RANBP17: variants seen among roughly 807,000 people sequenced by gnomAD.
RANBP17 encodes RAN binding protein 17.
In RANBP17, 158 loss-of-function variants were observed where a neutral mutation model predicts 141.2. The observed-to-expected ratio is 1.12, with a 90% CI of 0.98 to 1.28. The LOEUF is 1.28. Ranked by LOEUF, RANBP17 falls within the 50% of genes most tolerant of loss-of-function variation. RANBP17 has a pLI of 0.00. For missense variants in RANBP17, 1,438 were observed against 1,290.7 expected (o/e 1.11, Z -1.75); for synonymous variants, 430 against 450.0 (o/e 0.96, Z 0.56).
chr5:171,078,859 ATTG>A lies in RANBP17; in HGVS notation c.1711-91265_1711-91263del, dbSNP rs1785097896. ...AGCTCTGGTGGAGATGTACAAGAATATTGTTGTTTTCATGTCTGCTAACAACAT... is the reference window on the plus strand; with the variant it reads ...AGCTCTGGTGGAGATGTACAAGAATATTGTTTTCATGTCTGCTAACAACAT... On this transcript the variant is annotated intron_variant, in intron 14 of 27. Transcript: ENST00000523189. 2.0e-5 allele frequency among the ~76,000 whole-genome samples: 3 copies of A among 152,336 alleles called. No homozygotes were observed. In the South Asian group the frequency reaches 6.2e-4, roughly 32 times the overall value.
chr5:171,118,610 A>G (rs988214753), intron 14 of RANBP17, among the ~76,000 whole-genome samples: 1 of 151,458 alleles, frequency 6.6e-6, no homozygotes, highest in Non-Finnish European at 1.5e-5. Flanking sequence ...AGGATTTTCA[A>G]CTCCTTGGTT....
intron 14 of RANBP17, among the ~76,000 whole-genome samples, chr5:171,113,819 A>G (rs1282648378): frequency 6.6e-6 from 1 of 152,186 alleles, no homozygotes; most frequent in Non-Finnish European, 1.5e-5. Context: ...TTTTAAAATA[A>G]TGCTAGAATA....
At chr5:171,198,054 A>G (rs1021182825) in intron 18 of RANBP17, among the ~76,000 whole-genome samples, 6 of 152,214 alleles carry the variant, frequency 3.9e-5, no homozygotes, top group African/African-American at 1.4e-4. Flanking sequence ...AAGCCAGGCA[A>G]AATGCTATGG....
At chr5:171,074,040 C>G (rs904817692) in intron 14 of RANBP17, among the ~76,000 whole-genome samples, 1 of 151,976 alleles carries the variant, frequency 6.6e-6, no homozygotes, top group African/African-American at 2.4e-5. Context: ...TTTTCTCTCT[C>G]CTTGTGGACT....
intron 20 of RANBP17, chr5:171,207,214 C>T (rs1006451916): frequency 1.3e-5 from 2 of 153,694 alleles, no homozygotes; most frequent in African/African-American, 4.8e-5. Context: ...TAAAAGTCTA[C>T]TTTGGGCACT....
At chr5:171,164,682 T>C (rs1273966448) in intron 14 of RANBP17, among the ~76,000 whole-genome samples, 2 of 152,186 alleles carry the variant, frequency 1.3e-5, no homozygotes, top group African/African-American at 2.4e-5. Context: ...ATAATGATAA[T>C]TCCTTACATT....
chr5:171,154,921 C>A (rs191734715), intron 14 of RANBP17, among the ~76,000 whole-genome samples: 1 of 150,936 alleles, frequency 6.6e-6, no homozygotes, highest in African/African-American at 2.4e-5. Context: ...ACTAAAAATA[C>A]GAAAAATTAG....
chr5:170,955,951 T>C (rs568244145), intron 13 of RANBP17, among the ~76,000 whole-genome samples: 3 of 151,102 alleles, frequency 2.0e-5, no homozygotes, highest in African/African-American at 7.2e-5. Context: ...CTATGGACTT[T>C]TTCCTTCATA....
rs186511062 is a variant in RANBP17, at chr5:170,936,134, G to A, written c.1468+11584G>A. ...ATCTCCTGGTGTGCCGTCTGCTAAG[G>A]CCATTGGAAAAGCGCAGTATTAGGG... On this transcript the variant is annotated intron_variant, in intron 12 of 27. Transcript: ENST00000523189. Among the ~76,000 whole-genome samples, 7 of 152,314 alleles carry A rather than the reference G, an allele frequency of 4.6e-5. No homozygotes were observed. In the East Asian group the frequency reaches 1.3e-3, roughly 29 times the overall value.
At chr5:170,879,065 TAAC>T (rs1347298100) in intron 2 of RANBP17, among the ~76,000 whole-genome samples, 2 of 152,190 alleles carry the variant, frequency 1.3e-5, no homozygotes, top group African/African-American at 4.8e-5. Flanking sequence ...TTTCTATTAA[TAAC>T]TGGAGTTCAG....
chr5:171,202,338 C>T (rs1023426961), intron 19 of RANBP17, among the ~76,000 whole-genome samples: 5 of 152,108 alleles, frequency 3.3e-5, no homozygotes, highest in African/African-American at 1.2e-4. Flanking sequence ...TAGTCCAGTA[C>T]TCCCCTGACT....
chr5:171,156,483 G>A (rs1020913896), intron 14 of RANBP17, among the ~76,000 whole-genome samples: 1 of 152,010 alleles, frequency 6.6e-6, no homozygotes, highest in Non-Finnish European at 1.5e-5. Context: ...TTTCTAGAAC[G>A]GCTTTTATGT....
intron 2 of RANBP17, among the ~76,000 whole-genome samples, chr5:170,880,053 C>G (rs1324318004): frequency 3.3e-5 from 5 of 152,178 alleles, no homozygotes; most frequent in Non-Finnish European, 7.4e-5. Flanking sequence ...CCCTTTTCCG[C>G]TCCATATGTT....
intron 14 of RANBP17, among the ~76,000 whole-genome samples, chr5:171,040,973 GT>G (rs1323314834): frequency 6.6e-6 from 1 of 152,156 alleles, no homozygotes; most frequent in Non-Finnish European, 1.5e-5. Context: ...CAGTCGAAAT[GT>G]TGATCCAGGG....
intron 18 of RANBP17, among the ~76,000 whole-genome samples, chr5:171,189,264 CTTAT>C (rs1472966870): frequency 6.6e-6 from 1 of 152,092 alleles, no homozygotes; most frequent in African/African-American, 2.4e-5. Context: ...AAACTCCTTC[CTTAT>C]TTATCAGTAA....
chr5:170,877,734 G>T (rs1201436765), intron 1 of RANBP17, among the ~76,000 whole-genome samples: 2 of 152,058 alleles, frequency 1.3e-5, no homozygotes, highest in Non-Finnish European at 1.5e-5. Context: ...GAAGGACCCT[G>T]GTAAATGTTC....
At chr5:170,998,886 CTAGA>C (rs1779012938) in intron 14 of RANBP17, among the ~76,000 whole-genome samples, 1 of 151,706 alleles carries the variant, frequency 6.6e-6, no homozygotes, top group South Asian at 2.1e-4. Flanking sequence ...GAAAATGTAC[CTAGA>C]TAGATGATCA....
intron 14 of RANBP17, among the ~76,000 whole-genome samples, chr5:171,008,413 A>G (rs1025260074): frequency 1.5e-4 from 23 of 152,154 alleles, no homozygotes; most frequent in African/African-American, 5.5e-4. Flanking sequence ...TTGGCACCAA[A>G]TGTCACGGAC....
In RANBP17 at chr5:171,129,406, T is replaced by C. The variant is rs75124485; in HGVS notation, c.1711-40724T>C. On this transcript the variant is annotated intron_variant, in intron 14 of 27. Transcript: ENST00000523189. Reference sequence around the variant, plus strand: ...AATTAAAGCTGTGTGGACTTTTAGCTTAGAAAACGGCTTCCTCTTCCTTCT... The same window carrying C: ...AATTAAAGCTGTGTGGACTTTTAGCCTAGAAAACGGCTTCCTCTTCCTTCT... Among the ~76,000 whole-genome samples, 315 of 152,302 alleles carry C rather than the reference T, an allele frequency of 2.1e-3. 2 individuals carry two copies. Among genetic ancestry groups the C allele is most frequent in the African/African-American group, 7.4e-3 (306 of 41,574 alleles).
Sources: gnomAD v4.1 joint callset for allele counts (sites outside exome capture counted in the v4.1 genomes callset) on GRCh38, gnomAD v4.1.1 for gene constraint, MANE v1.5 for transcripts, NCBI Gene and HGNC (gene_info 2026-07-23, HGNC 2026-07-21) for gene names.